The following SHC3 variants were observed in gnomAD, a reference collection of about 807,000 sequenced individuals.
SHC3 encodes SHC-transforming protein 3.
A neutral mutation model predicts 60.4 loss-of-function variants in SHC3; 15 were observed. The observed-to-expected ratio is 0.25, with a 90% CI of 0.17 to 0.38. SHC3 has a LOEUF of 0.38. Ranked by LOEUF, SHC3 falls within the 10% of genes least tolerant of loss-of-function variation. SHC3 has a pLI of 1.00. For synonymous variants in SHC3, 294 were observed against 325.9 expected, an observed-to-expected ratio of 0.90 and a Z score of 1.05; for missense variants, 677 against 786.1, an observed-to-expected ratio of 0.86 and a Z score of 1.66.
chr9:89,132,515 C>T (rs1351951877), intron 1 of SHC3, among the ~76,000 whole-genome samples: 1 of 152,180 alleles, frequency 6.6e-6, no homozygotes. Context: ...AGCTATACTA[C>T]AAGGCTACAG....
chr9:89,052,153 A>G lies in SHC3; in HGVS notation c.846T>C (p.Ile282=), dbSNP rs772798403. 3 of 1,613,690 alleles carry G rather than the reference A, an allele frequency of 1.9e-6. No individual in the cohort carries two copies. The highest frequency in any genetic ancestry group is 2.5e-6 in the Non-Finnish European group (3 of 1,179,808). The stretch of plus-strand genomic sequence containing the variant: ...GGGCCAGCCCATCACAGCATTCCAA[A>G]ATGTGACAAGCTGGGAAAGCAAGTG... ...KDPVNRRACH[I]LECCDGLAQD... is the part of the protein sequence containing the mutation. The change falls in exon 7 of 12, where the codon ATT becomes ATC. Residue 282 remains isoleucine (I), a synonymous_variant. Transcript: ENST00000375835.
chr9:89,080,753 ATATATG>A (rs1212421215), intron 2 of SHC3, among the ~76,000 whole-genome samples: 1 of 141,318 alleles, frequency 7.1e-6, no homozygotes, highest in African/African-American at 2.6e-5. Context: ...ATATATATAT[ATATATG>A]TATGTATACT....
chr9:89,072,654 G>A (rs1004442874), intron 4 of SHC3, among the ~76,000 whole-genome samples: 3 of 152,172 alleles, frequency 2.0e-5, no homozygotes, highest in Non-Finnish European at 4.4e-5. Context: ...AGCTACATAA[G>A]TCTTCCATGC....
At chr9:89,104,630 A>T (rs76201983) in intron 2 of SHC3, among the ~76,000 whole-genome samples, 15,056 of 152,090 alleles carry the variant, frequency 0.099, 851 homozygotes, top group Admixed American at 0.13. Context: ...GTGCTTTCCC[A>T]CTGCTGTGAT....
rs752094914 is a variant in SHC3, at chr9:89,013,542, T to A, written c.1690A>T (p.Ser564Cys). 6.2e-7 allele frequency: 1 copy of A among 1,614,076 alleles called. No homozygotes were observed. The highest frequency in any genetic ancestry group is 8.5e-7 in the Non-Finnish European group (1 of 1,179,988). The change falls in exon 12 of 12, where the codon AGC (serine) becomes TGC (cysteine). Residue 564 changes from serine to cysteine, a missense_variant. Coordinates refer to ENST00000375835, the MANE Select transcript of SHC3 (RefSeq NM_016848.6). The part of the protein sequence containing the change: ...RTKDRVFDSI[S>C]HLINHHLESS... ...TCTAGGTGGTGGTTGATGAGGTGGC[T>A]GATACTGTCAAAGACTCTGTCCTTT...
intron 6 of SHC3, among the ~76,000 whole-genome samples, chr9:89,064,802 T>A (rs1485253659): frequency 6.6e-6 from 1 of 152,208 alleles, no homozygotes; most frequent in African/African-American, 2.4e-5. Context: ...AGAGAGGGTA[T>A]GTATACGGAT....
Position 89,178,044 on chromosome 9 carries a change from C to G in SHC3, c.417G>C (p.Arg139=). ...PGDEPLPRPP[R]GAPHASDQVL... The stretch of plus-strand genomic sequence containing the variant: ...CCTGGTCGCTGGCGTGCGGCGCCCC[C>G]CGAGGGGGCCTGGGCAGCGGCTCGT... Residue 139 remains arginine (R), a synonymous_variant, in exon 1 of 12, where the codon CGG becomes CGC. Coordinates refer to ENST00000375835, the MANE Select transcript of SHC3 (RefSeq NM_016848.6). This position sits in a 1 kb window ranked among gnomAD's most constrained non-coding sequence, Gnocchi z 6.9. The G allele has an allele frequency of 2.4e-6, 3 of 1,228,900 alleles. No individual in the cohort carries two copies. Among genetic ancestry groups the G allele is most frequent in the Non-Finnish European group, 3.0e-6 (3 of 986,248 alleles). The allele number at this position is 1,228,900 out of a possible 1,614,324, so 76.1% of individuals were successfully genotyped here.
At chr9:89,068,142 T>C (rs1825212807) in intron 5 of SHC3, among the ~76,000 whole-genome samples, 1 of 152,172 alleles carries the variant, frequency 6.6e-6, no homozygotes. Flanking sequence ...AAGCACTAAG[T>C]TCCAAAGACA....
intron 1 of SHC3, among the ~76,000 whole-genome samples, chr9:89,115,032 G>A (rs1215210983): frequency 3.9e-5 from 6 of 152,098 alleles, no homozygotes; most frequent in Non-Finnish European, 5.9e-5. Flanking sequence ...TATGTGACTC[G>A]CACAACCAAG....
At position 89,011,540 on chromosome 9, in the gene SHC3, G is replaced by A. The variant is rs945790791; in HGVS notation, c.*1907C>T. The stretch of plus-strand genomic sequence containing the variant: ...TCTCCAGGGCTCCCAGCCTCCCAGA[G>A]GACAGATGTGCAGGGCAGCTCTCAG... On this transcript the variant is annotated 3_prime_UTR_variant, in exon 12 of 12. Transcript: ENST00000375835. 6.6e-6 allele frequency: 1 copy of A among 152,242 alleles called. No individual in the cohort carries two copies. The highest frequency in any genetic ancestry group is 1.5e-5 in the Non-Finnish European group (1 of 68,058). The allele number at this position is 152,242 out of a possible 1,614,324, so 9.4% of individuals were successfully genotyped here.
chr9:89,084,732 G>A lies in SHC3; in HGVS notation c.546-6829C>T, dbSNP rs150411905. ...GATGCCGATATGCCAATCAAGGGGA[G>A]AAATCCACACTCCTCAGTTTTCCCA... On this transcript the variant is annotated intron_variant, in intron 2 of 11. Transcript: ENST00000375835. Among the ~76,000 whole-genome samples, 9 of 152,312 alleles carry A rather than the reference G, an allele frequency of 5.9e-5. No homozygotes were observed. In the East Asian group the frequency reaches 1.5e-3, roughly 26 times the overall value.
At chr9:89,027,327 A>ATTTTTATTTTT (rs1826329156) in intron 11 of SHC3, among the ~76,000 whole-genome samples, 1 of 130,350 alleles carries the variant, frequency 7.7e-6, no homozygotes, top group Non-Finnish European at 1.6e-5. Flanking sequence ...TGAAATTCTG[A>ATTTTTATTTTT]TTTTTTTTTT....
intron 1 of SHC3, among the ~76,000 whole-genome samples, chr9:89,165,554 A>C (rs1203875105): frequency 2.1e-5 from 3 of 145,708 alleles, no homozygotes; most frequent in African/African-American, 7.5e-5. Flanking sequence ...TGGTGAGGGC[A>C]TGAATCAGAA....
At position 89,077,046 on chromosome 9, in the gene SHC3, G is replaced by A. The variant is rs187435853; in HGVS notation, c.609+794C>T. Among the ~76,000 whole-genome samples the A allele has an allele frequency of 2.9e-3, 442 of 151,732 alleles. 1 individual carries two copies. The highest frequency in any genetic ancestry group is 5.0e-3 in the Non-Finnish European group (338 of 67,950). On this transcript the variant is annotated intron_variant, in intron 3 of 11. Coordinates refer to ENST00000375835, the MANE Select transcript of SHC3 (RefSeq NM_016848.6). ...ACAAAAATTAGCTGGGCATGGTGGCGCACACCTGTAATCCCAGCTACTCGG... is the reference window on the plus strand; with the variant it reads ...ACAAAAATTAGCTGGGCATGGTGGCACACACCTGTAATCCCAGCTACTCGG...
chr9:89,038,658 G>C (rs1824625691), intron 10 of SHC3, among the ~76,000 whole-genome samples: 1 of 152,210 alleles, frequency 6.6e-6, no homozygotes, highest in African/African-American at 2.4e-5. Context: ...TGGAACTTCA[G>C]CCAGCCTCTT....
chr9:89,110,349 C>A (rs888238569), intron 2 of SHC3: 2 of 984,990 alleles, frequency 2.0e-6, no homozygotes, highest in Non-Finnish European at 2.4e-6. Flanking sequence ...CCTTTGGAAA[C>A]CAGTTTTCCT....
At chr9:89,037,249 C>T (rs1222439961) in intron 11 of SHC3, 2 of 462,228 alleles carry the variant, frequency 4.3e-6, no homozygotes, top group African/African-American at 2.0e-5. Flanking sequence ...TCATCCCTCC[C>T]TGTCAATCAG....
rs1039165238 is a variant in SHC3 at position 89,010,058 on chromosome 9, C to T, written c.*3389G>A. 7 of 152,184 alleles carry T rather than the reference C, an allele frequency of 4.6e-5. No homozygotes were observed. The highest frequency in any genetic ancestry group is 1.0e-4 in the Non-Finnish European group (7 of 68,074). 9.4% of individuals were successfully genotyped at this position (152,184 alleles called of 1,614,324 possible). On this transcript the variant is annotated 3_prime_UTR_variant, in exon 12 of 12. Coordinates refer to ENST00000375835, the MANE Select transcript of SHC3 (RefSeq NM_016848.6). Reference sequence around the variant, plus strand: ...CCTACACACACGGCTTGTCATTTCCCGTCTTTATTAGAAATTACCCACAAC... The same window carrying T: ...CCTACACACACGGCTTGTCATTTCCTGTCTTTATTAGAAATTACCCACAAC...
intron 1 of SHC3, among the ~76,000 whole-genome samples, chr9:89,122,536 C>T (rs1007948918): frequency 7.2e-5 from 11 of 152,188 alleles, no homozygotes; most frequent in African/African-American, 2.7e-4. Flanking sequence ...TACCATATGG[C>T]TTAGGGATTC....
Sources: allele counts gnomAD v4.1 joint callset (sites outside exome capture counted in the v4.1 genomes callset), GRCh38; gene constraint gnomAD v4.1.1; non-coding constraint Gnocchi (gnomAD v3.1); transcripts MANE v1.5; gene names NCBI Gene and HGNC (gene_info 2026-07-23, HGNC 2026-07-21).